NCALD: variants seen among roughly 807,000 people sequenced by gnomAD.
NCALD encodes neurocalcin-delta.
NCALD carries 10 observed loss-of-function variants against 18.6 expected under a neutral mutation model. The observed-to-expected ratio is 0.54, with a 90% CI of 0.33 to 0.91. The LOEUF is 0.91. Among genes scored for constraint, NCALD ranks in the 40% least tolerant of loss-of-function variants. NCALD has a pLI of 0.03. For synonymous variants in NCALD, 88 were observed against 87.4 expected, an observed-to-expected ratio of 1.01 and a Z score of -0.04; for missense variants, 184 against 247.6, an observed-to-expected ratio of 0.74 and a Z score of 1.72.
At chr8:101,755,005 C>G (rs1194063633) in intron 1 of NCALD, among the ~76,000 whole-genome samples, 2 of 152,346 alleles carry the variant, frequency 1.3e-5, no homozygotes, top group East Asian at 3.9e-4. Flanking sequence ...AGTGCCCTTC[C>G]TAGCACATCC....
rs568224357 is a variant in NCALD, at chr8:101,890,024, C to T, written c.-106-2797G>A. ...AAGGCAAAGTTGATAAATTTGCAGCCGTAATATGAAGAGCTTGCATTCATC... is the reference window on the plus strand; with the variant it reads ...AAGGCAAAGTTGATAAATTTGCAGCTGTAATATGAAGAGCTTGCATTCATC... On this transcript the variant is annotated intron_variant, in intron 3 of 6. Coordinates refer to the NCALD transcript ENST00000311028. Among the ~76,000 whole-genome samples, 19 of 152,046 alleles carry T rather than the reference C, an allele frequency of 1.2e-4. No individual in the cohort carries two copies. The East Asian group carries it at 1.5e-3, about 12-fold the overall frequency.
chr8:101,872,187 T>C (rs1586668480), intron 4 of NCALD: 5 of 1,594,688 alleles, frequency 3.1e-6, no homozygotes, highest in East Asian at 2.2e-5. Flanking sequence ...GAATTCCTCG[T>C]TTGCAAAGGT....
chr8:101,961,101 T>TA (rs1359422784), intron 2 of NCALD, among the ~76,000 whole-genome samples: 1 of 152,194 alleles, frequency 6.6e-6, no homozygotes, highest in African/African-American at 2.4e-5. Flanking sequence ...ATTGTATCCC[T>TA]AGTACCTCGG....
upstream of NCALD, among the ~76,000 whole-genome samples, chr8:101,792,811 C>T (rs139341926): frequency 1.3e-5 from 2 of 151,772 alleles, no homozygotes; most frequent in African/African-American, 4.8e-5. Flanking sequence ...CCTCTTTATG[C>T]AGCTTTAGCA....
chr8:101,889,958 G>T (rs1447526781), intron 3 of NCALD, among the ~76,000 whole-genome samples: 1 of 152,178 alleles, frequency 6.6e-6, no homozygotes, highest in Non-Finnish European at 1.5e-5. Context: ...CTTTAAATGG[G>T]AGAGAAGTTC....
intron 2 of NCALD, among the ~76,000 whole-genome samples, chr8:101,918,522 G>A (rs1421199950): frequency 4.6e-5 from 7 of 151,878 alleles, no homozygotes; most frequent in Non-Finnish European, 7.4e-5. Context: ...AAAGGCATCC[G>A]AATAGGAAAA....
chr8:101,961,783 C>T (rs1279156434), intron 2 of NCALD, among the ~76,000 whole-genome samples: 1 of 152,144 alleles, frequency 6.6e-6, no homozygotes, highest in African/African-American at 2.4e-5. Flanking sequence ...GCCAACTCTA[C>T]AGGGTCCCAG....
intron 2 of NCALD, chr8:101,693,136 C>T (rs1437768725): frequency 5.1e-6 from 2 of 389,956 alleles, no homozygotes; most frequent in African/African-American, 2.1e-5. Context: ...CCCAGTAGAC[C>T]CCTGTGTCTC....
upstream of NCALD, among the ~76,000 whole-genome samples, chr8:101,794,007 A>G (rs1028655904): frequency 6.6e-6 from 1 of 152,200 alleles, no homozygotes; most frequent in African/African-American, 2.4e-5. Flanking sequence ...GCCTGGACCT[A>G]CTGTTTAGAG....
chr8:101,772,093 T>C (rs575079566), intron 1 of NCALD, among the ~76,000 whole-genome samples: 17 of 152,284 alleles, frequency 1.1e-4, no homozygotes, highest in Middle Eastern at 3.4e-3. Context: ...GGGTCTAGCC[T>C]AAAGGCAGAA....
chr8:101,875,590 A>G (rs1169786561), intron 4 of NCALD, among the ~76,000 whole-genome samples: 2 of 152,030 alleles, frequency 1.3e-5, no homozygotes, highest in East Asian at 3.9e-4. Context: ...TTCTCTCCTC[A>G]TTATTGAAGC....
chr8:101,727,270 A>C (rs939861804), intron 1 of NCALD, among the ~76,000 whole-genome samples: 1 of 152,092 alleles, frequency 6.6e-6, no homozygotes. Flanking sequence ...TCTGCATCCA[A>C]AATTTGTCTT....
At chr8:101,763,992 ACACACACACACACACACACACACC>A (rs1269125744) in intron 1 of NCALD, among the ~76,000 whole-genome samples, 7 of 84,770 alleles carry the variant, frequency 8.3e-5, no homozygotes, top group Admixed American at 1.5e-4. Context: ...ACACACACAC[ACACACACACACACACACACACACC>A]CCCTATTGGT....
At chr8:101,861,966 A>C (rs1815561500) in intron 4 of NCALD, among the ~76,000 whole-genome samples, 1 of 152,216 alleles carries the variant, frequency 6.6e-6, no homozygotes, top group Non-Finnish European at 1.5e-5. Flanking sequence ...GGGAATTTGC[A>C]ATCATTTATA....
chr8:101,848,431 T>G (rs1312987752), intron 4 of NCALD, among the ~76,000 whole-genome samples: 3 of 152,126 alleles, frequency 2.0e-5, no homozygotes, highest in Non-Finnish European at 4.4e-5. Context: ...AGCTATTAAC[T>G]CTCAAACAGA....
chr8:101,872,538 G>T (rs1468689164), intron 4 of NCALD: 13 of 681,234 alleles, frequency 1.9e-5, no homozygotes, highest in African/African-American at 1.2e-4. Context: ...TGTCTGTGTT[G>T]GGGTCCTGCA....
At chr8:101,761,944 T>C (rs1420018221) in intron 1 of NCALD, among the ~76,000 whole-genome samples, 1 of 152,198 alleles carries the variant, frequency 6.6e-6, no homozygotes, top group Admixed American at 6.5e-5. Flanking sequence ...TTCCACTATC[T>C]GAGGAGAACA....
chr8:102,000,522 AAG>A (rs1428066150), intron 2 of NCALD, among the ~76,000 whole-genome samples: 1 of 152,186 alleles, frequency 6.6e-6, no homozygotes. Flanking sequence ...GACAGCTTTG[AAG>A]AGAGTAGTGG....
intron 2 of NCALD, among the ~76,000 whole-genome samples, chr8:101,916,071 A>T (rs1442433402): frequency 6.6e-6 from 1 of 152,092 alleles, no homozygotes; most frequent in African/African-American, 2.4e-5. Flanking sequence ...CTGAGAAAAG[A>T]AAGCAGAGAC....
Sources: gnomAD v4.1 joint callset for allele counts (sites outside exome capture counted in the v4.1 genomes callset) on GRCh38, gnomAD v4.1.1 for gene constraint, MANE v1.5 for transcripts, NCBI Gene and HGNC (gene_info 2026-07-23, HGNC 2026-07-21) for gene names.